The following CMIP variants were observed in gnomAD, a reference collection of about 807,000 sequenced individuals.
CMIP encodes the protein c-Maf inducing protein, also known as C-Maf-inducing protein.
A neutral mutation model predicts 97.3 loss-of-function variants in CMIP; 13 were observed. That is an observed-to-expected ratio of 0.13 (90% CI 0.09 to 0.21). CMIP has a LOEUF of 0.21. Ranked by LOEUF, CMIP falls within the 10% of genes least tolerant of loss-of-function variation. The pLI, the probability that CMIP is intolerant of heterozygous loss-of-function variation, is 1.00. For missense variants in CMIP, 847 were observed against 1,024.9 expected (o/e 0.83, Z 2.37); for synonymous variants, 538 against 436.3 (o/e 1.23, Z -2.91).
At chr16:81,597,606 G>A (rs2091581536) in intron 1 of CMIP, among the ~76,000 whole-genome samples, 1 of 136,368 alleles carries the variant, frequency 7.3e-6, no homozygotes, top group South Asian at 2.3e-4. Flanking sequence ...GGGGGGGGGA[G>A]TCTCCCAGCC....
intron 1 of CMIP, chr16:81,606,851 T>C (rs1313550306): frequency 6.5e-6 from 1 of 154,510 alleles, no homozygotes; most frequent in Non-Finnish European, 1.5e-5. Flanking sequence ...AAAAGTGCAG[T>C]TGAGATGAGA....
chr16:81,486,365 C>T (rs977788457), intron 1 of CMIP, among the ~76,000 whole-genome samples: 2 of 152,178 alleles, frequency 1.3e-5, no homozygotes, highest in African/African-American at 4.8e-5. Context: ...TAGATATGAT[C>T]GCGCCCATTT....
Position 81,551,611 on chromosome 16 carries a change from A to G in CMIP, c.301-55956A>G, listed in dbSNP as rs1337031647. Among the ~76,000 whole-genome samples, 6 of 152,288 alleles carry G rather than the reference A, an allele frequency of 3.9e-5. No homozygotes were observed. In the East Asian group the frequency reaches 1.2e-3, roughly 29 times the overall value. On this transcript the variant is annotated intron_variant, in intron 1 of 20. Coordinates refer to ENST00000537098, the MANE Select transcript of CMIP (RefSeq NM_198390.3). ...GTGTGCAGTATGTGGGAGCTGTGGG[A>G]ACCTGCTCTGTCTTCCGTTTTCTCT... is the stretch of plus-strand genomic sequence containing the variant.
At position 81,544,027 on chromosome 16, in the gene CMIP, T is replaced by C. The variant is rs543970101; in HGVS notation, c.301-63540T>C. Among the ~76,000 whole-genome samples, 6 of 152,330 alleles carry C rather than the reference T, an allele frequency of 3.9e-5. No homozygotes were observed. The East Asian group carries it at 1.2e-3, about 29-fold the overall frequency. On this transcript the variant is annotated intron_variant, in intron 1 of 20. Transcript: ENST00000537098. Reference sequence around the variant, plus strand: ...TCCACCTGGCATGAGAAATCTCCATTGTGAGCCTCCTTGGGGTACCCATTC... The same window carrying C: ...TCCACCTGGCATGAGAAATCTCCATCGTGAGCCTCCTTGGGGTACCCATTC...
chr16:81,627,745 C>T lies in CMIP; in HGVS notation c.477+6819C>T, dbSNP rs16955690. Among the ~76,000 whole-genome samples, 1 of 152,154 alleles carries T rather than the reference C, an allele frequency of 6.6e-6. No homozygotes were observed. Among genetic ancestry groups the T allele is most frequent in the African/African-American group, 2.4e-5 (1 of 41,422 alleles). On this transcript the variant is annotated intron_variant, in intron 3 of 20. Transcript: ENST00000537098. This position sits in a 1 kb window ranked among gnomAD's most constrained non-coding sequence, Gnocchi z 4.6. ...TGGATAAAGGATGAGGATAAAGGAC[C>T]GTGCCAAAGCCAGATGCCTCCCAGC...
At chr16:81,696,906 C>T (rs1906793390) in intron 14 of CMIP, 1 of 574,022 alleles carries the variant, frequency 1.7e-6, no homozygotes, top group Non-Finnish European at 3.1e-6. Context: ...ACTCAGCTCT[C>T]ACAGCACAGT....
At position 81,696,572 on chromosome 16, in the gene CMIP, C is replaced by T; in HGVS notation, c.1543C>T (p.Leu515=). The T allele has an allele frequency of 6.2e-7, 1 of 1,604,992 alleles. No homozygotes were observed. Among genetic ancestry groups the T allele is most frequent in the Non-Finnish European group, 8.5e-7 (1 of 1,179,726 alleles). ...CCTTGTCTGGCAGGTCCACTCATGC[C>T]TGCTGAGCGTGCGGGCCGGCAAAGA... is the stretch of plus-strand genomic sequence containing the variant. The part of the protein sequence containing the change: ...EDPRQEVHSC[L]LSVRAGKDGW... The change falls in exon 14 of 21, where the codon CTG becomes TTG. Residue 515 remains leucine, a synonymous_variant. Transcript: ENST00000537098.
At chr16:81,502,988 G>A (rs1184227786) in intron 1 of CMIP, among the ~76,000 whole-genome samples, 1 of 152,146 alleles carries the variant, frequency 6.6e-6, no homozygotes, top group Non-Finnish European at 1.5e-5. Context: ...GCGTGATGTC[G>A]TGGGATGTGG....
intron 2 of CMIP, among the ~76,000 whole-genome samples, chr16:81,613,193 C>T (rs1399060273): frequency 6.6e-6 from 1 of 152,190 alleles, no homozygotes; most frequent in Non-Finnish European, 1.5e-5. Flanking sequence ...CAAGTTCTGG[C>T]GCTTCCCTTA....
intron 1 of CMIP, among the ~76,000 whole-genome samples, chr16:81,521,442 A>T (rs2090025672): frequency 6.6e-6 from 1 of 151,870 alleles, no homozygotes; most frequent in Non-Finnish European, 1.5e-5. Flanking sequence ...ACCACCGGTG[A>T]CCGCCAAGGT....
intron 1 of CMIP, among the ~76,000 whole-genome samples, chr16:81,484,748 G>T: frequency 6.6e-6 from 1 of 152,194 alleles, no homozygotes; most frequent in Non-Finnish European, 1.5e-5. Context: ...GCTGGAAGAT[G>T]CCAGGTGGGC....
intron 3 of CMIP, among the ~76,000 whole-genome samples, chr16:81,650,493 GA>G (rs1393627520): frequency 6.6e-6 from 1 of 151,932 alleles, no homozygotes; most frequent in Non-Finnish European, 1.5e-5. Context: ...TGGGCGGGGG[GA>G]ATGAAAACCG....
At chr16:81,528,208 A>C (rs1008161987) in intron 1 of CMIP, among the ~76,000 whole-genome samples, 1 of 152,298 alleles carries the variant, frequency 6.6e-6, no homozygotes. Flanking sequence ...CATTCATGAC[A>C]ACTTCATAGA....
chr16:81,454,536 G>A (rs1906428798), intron 1 of CMIP, among the ~76,000 whole-genome samples: 1 of 152,222 alleles, frequency 6.6e-6, no homozygotes, highest in South Asian at 2.1e-4. Flanking sequence ...GAACCGATGT[G>A]GGAAATTGAA....
At chr16:81,689,207 G>A (rs1288977079) in intron 10 of CMIP, among the ~76,000 whole-genome samples, 1 of 152,208 alleles carries the variant, frequency 6.6e-6, no homozygotes, top group Non-Finnish European at 1.5e-5. Flanking sequence ...GGTATTTCTA[G>A]TTCTAGATCC....
At chr16:81,585,418 A>G (rs577416351) in intron 1 of CMIP, among the ~76,000 whole-genome samples, 1 of 152,316 alleles carries the variant, frequency 6.6e-6, no homozygotes, top group South Asian at 2.1e-4. Flanking sequence ...ACTTCTATCT[A>G]GTTCCACAAT....
intron 1 of CMIP, among the ~76,000 whole-genome samples, chr16:81,532,887 C>A (rs1178672677): frequency 6.6e-6 from 1 of 152,208 alleles, no homozygotes; most frequent in African/African-American, 2.4e-5. Context: ...AGCCTCCCTC[C>A]CTTACTGATG....
intron 10 of CMIP, among the ~76,000 whole-genome samples, chr16:81,690,925 C>T (rs1302567907): frequency 6.6e-6 from 1 of 151,948 alleles, no homozygotes; most frequent in African/African-American, 2.4e-5. Context: ...GACTGTGTCT[C>T]AAATAATAAT....
chr16:81,670,082 GC>G, intron 7 of CMIP, 59 bp from the exon 8 acceptor site: 1 of 1,514,940 alleles, frequency 6.6e-7, no homozygotes, highest in Non-Finnish European at 9.0e-7. Flanking sequence ...TGTCCTGGCT[GC>G]CCTGGGCTCC....
Sources: allele counts gnomAD v4.1 joint callset (sites outside exome capture counted in the v4.1 genomes callset), GRCh38; gene constraint gnomAD v4.1.1; non-coding constraint Gnocchi (gnomAD v3.1); transcripts MANE v1.5; gene names NCBI Gene and HGNC (gene_info 2026-07-23, HGNC 2026-07-21).